The following KSR2 variants were observed in gnomAD, a reference collection of about 807,000 sequenced individuals.
KSR2 encodes the protein kinase suppressor of ras 2.
In KSR2, 25 loss-of-function variants were observed where a neutral mutation model predicts 107.8. The ratio of observed to expected loss-of-function variants is 0.23; its 90% CI spans 0.17 to 0.32. KSR2 has a LOEUF of 0.32. KSR2 is among the 10% of genes least tolerant of loss of function. The pLI is 1.00. For synonymous variants in KSR2, 480 were observed against 507.0 expected (o/e 0.95, Z 0.71); for missense variants, 887 against 1,268.9 (o/e 0.70, Z 4.57).
intron 1 of KSR2, among the ~76,000 whole-genome samples, chr12:117,910,253 A>G (rs776854847): frequency 2.0e-5 from 3 of 152,152 alleles, no homozygotes; most frequent in Non-Finnish European, 4.4e-5. Context: ...GAAAAAAAAG[A>G]GTATGCCAAG....
chr12:117,602,716 C>T (rs192822522), intron 5 of KSR2, among the ~76,000 whole-genome samples: 11 of 152,242 alleles, frequency 7.2e-5, no homozygotes, highest in Admixed American at 5.2e-4. Context: ...TGAATATTTG[C>T]GTATAGGTAT....
chr12:117,806,303 C>T (rs1393283349), intron 3 of KSR2, among the ~76,000 whole-genome samples: 1 of 152,156 alleles, frequency 6.6e-6, no homozygotes, highest in Admixed American at 6.5e-5. Flanking sequence ...AATCCTGGTA[C>T]CCAGACGCCA....
intron 5 of KSR2, 128 bp from the exon 6 acceptor site, chr12:117,582,487 C>T (rs975443757): frequency 1.4e-6 from 1 of 709,012 alleles, no homozygotes; most frequent in African/African-American, 1.7e-5. Context: ...ACTTGCTAAA[C>T]CAAAGCCAAG....
At position 117,820,415 on chromosome 12, in the gene KSR2, G is replaced by A. The variant is rs117247103; in HGVS notation, c.472+35013C>T. Reference sequence around the variant, plus strand: ...TCTTGAACTTGCTCCAGTGGGTCCCGGAAATTCAGCCCAGGACAGACCTGC... The same window carrying A: ...TCTTGAACTTGCTCCAGTGGGTCCCAGAAATTCAGCCCAGGACAGACCTGC... On this transcript the variant is annotated intron_variant, in intron 3 of 19. Coordinates refer to ENST00000339824, the MANE Select transcript of KSR2 (RefSeq NM_173598.6). 3.7e-3 allele frequency among the ~76,000 whole-genome samples: 558 copies of A among 152,224 alleles called. 4 individuals carry two copies. Among genetic ancestry groups the A allele is most frequent in the Non-Finnish European group, 6.4e-3 (434 of 68,010 alleles).
chr12:117,891,188 C>T (rs1474730397), intron 1 of KSR2, among the ~76,000 whole-genome samples: 2 of 151,890 alleles, frequency 1.3e-5, no homozygotes, highest in Non-Finnish European at 2.9e-5. Context: ...GGCCAAGCCA[C>T]GCAGATCATA....
In KSR2 at chr12:117,687,049, G is replaced by T. The variant is rs571077371; in HGVS notation, c.987-19391C>A. Among the ~76,000 whole-genome samples, 45 of 152,220 alleles carry T rather than the reference G, an allele frequency of 3.0e-4. No individual in the cohort carries two copies. The South Asian group carries it at 6.2e-3, about 21-fold the overall frequency. On this transcript the variant is annotated intron_variant, in intron 4 of 19. Transcript: ENST00000339824. ...AGCTTCCTCGCTTGTAAAATGAGGG[G>T]CTTAGAGCAACTCATCCTTAAAAGC...
chr12:117,861,202 A>C (rs1168495276), intron 1 of KSR2, among the ~76,000 whole-genome samples: 1 of 152,168 alleles, frequency 6.6e-6, no homozygotes, highest in African/African-American at 2.4e-5. Flanking sequence ...TACAGCCAAC[A>C]AAGAAACTTA....
At chr12:117,794,195 CCATGCACACATACACCAA>C (rs1814329947) in intron 3 of KSR2, among the ~76,000 whole-genome samples, 1 of 115,876 alleles carries the variant, frequency 8.6e-6, no homozygotes, top group Admixed American at 8.8e-5. Context: ...TGCACACACA[CCATGCACACATACACCAA>C]CATGCACACA....
At chr12:117,759,148 T>C (rs565715469) in intron 4 of KSR2, among the ~76,000 whole-genome samples, 3 of 152,236 alleles carry the variant, frequency 2.0e-5, no homozygotes, top group African/African-American at 7.2e-5. Context: ...TAAAATCACA[T>C]GTTCCACGTC....
At chr12:117,625,444 A>C (rs560833891) in intron 5 of KSR2, among the ~76,000 whole-genome samples, 22 of 152,250 alleles carry the variant, frequency 1.4e-4, no homozygotes, top group Admixed American at 3.9e-4. Flanking sequence ...GGCCTTTTCT[A>C]CATCTATTGA....
chr12:117,563,467 G>A (rs946207235), intron 7 of KSR2, among the ~76,000 whole-genome samples: 1 of 152,172 alleles, frequency 6.6e-6, no homozygotes, highest in Non-Finnish European at 1.5e-5. Flanking sequence ...CAGAGCCTCA[G>A]TTTCCCCATC....
At chr12:117,491,928 C>T (rs375724268) in intron 14 of KSR2, among the ~76,000 whole-genome samples, 2 of 152,218 alleles carry the variant, frequency 1.3e-5, no homozygotes, top group Non-Finnish European at 2.9e-5. Context: ...TGAAGATTAA[C>T]GAGGTCTGCT....
intron 4 of KSR2, among the ~76,000 whole-genome samples, chr12:117,712,895 T>C (rs981312360): frequency 9.9e-5 from 15 of 152,090 alleles, no homozygotes; most frequent in African/African-American, 4.8e-5. Flanking sequence ...GATATATCTA[T>C]ATAGAGCTAT....
intron 14 of KSR2, among the ~76,000 whole-genome samples, chr12:117,510,148 C>T (rs976068657): frequency 6.6e-6 from 1 of 152,216 alleles, no homozygotes; most frequent in Non-Finnish European, 1.5e-5. Flanking sequence ...GCTTTGACAA[C>T]AGCAGGCATG....
chr12:117,507,661 C>T (rs887168010), intron 14 of KSR2, among the ~76,000 whole-genome samples: 1 of 152,168 alleles, frequency 6.6e-6, no homozygotes, highest in African/African-American at 2.4e-5. Context: ...GGCTCTTATT[C>T]TGATTGGTTT....
chr12:117,700,345 G>A (rs1448651077), intron 4 of KSR2, among the ~76,000 whole-genome samples: 1 of 152,172 alleles, frequency 6.6e-6, no homozygotes, highest in Admixed American at 6.5e-5. Context: ...GGAGCCCACA[G>A]ACTCAACCAC....
chr12:117,814,905 C>T (rs1370638443), intron 3 of KSR2, among the ~76,000 whole-genome samples: 1 of 152,058 alleles, frequency 6.6e-6, no homozygotes, highest in Non-Finnish European at 1.5e-5. Flanking sequence ...CAGCAAAAGG[C>T]CAATATCCTA....
At chr12:117,599,699 T>C (rs1254089957) in intron 5 of KSR2, among the ~76,000 whole-genome samples, 4 of 149,462 alleles carry the variant, frequency 2.7e-5, no homozygotes, top group Non-Finnish European at 5.9e-5. Context: ...TCCCTGGGGG[T>C]GGAGAGGCAA....
chr12:117,932,838 C>A (rs891870800), intron 1 of KSR2, among the ~76,000 whole-genome samples: 1 of 152,050 alleles, frequency 6.6e-6, no homozygotes, highest in African/African-American at 2.4e-5. Flanking sequence ...CATGGTGAAA[C>A]CCCATCTCTA....
Sources: gnomAD v4.1 joint callset for allele counts (sites outside exome capture counted in the v4.1 genomes callset) on GRCh38, gnomAD v4.1.1 for gene constraint, MANE v1.5 for transcripts, NCBI Gene and HGNC (gene_info 2026-07-23, HGNC 2026-07-21) for gene names.